Variants in RANBP2 observed in about 807,000 individuals in gnomAD.
RANBP2 encodes RAN binding protein 2.
RANBP2 carries 57 observed loss-of-function variants against 303.6 expected under a neutral mutation model. The observed-to-expected ratio is 0.19, with a 90% CI of 0.15 to 0.23. RANBP2 has a LOEUF of 0.23. Among genes scored for constraint, RANBP2 ranks in the 10% least tolerant of loss-of-function variants. The pLI, the probability that RANBP2 is intolerant of heterozygous loss-of-function variation, is 1.00. For missense variants in RANBP2, 3,138 were observed against 3,780.8 expected, an observed-to-expected ratio of 0.83 and a Z score of 4.46; for synonymous variants, 1,167 against 1,301.5, an observed-to-expected ratio of 0.90 and a Z score of 2.23.
At chr2:109,574,016 T>G in the RANBP2 span, among the ~76,000 whole-genome samples, 2 of 152,236 alleles carry the variant, frequency 1.3e-5, no homozygotes, top group African/African-American at 4.8e-5. Context: ...AGAATACCCA[T>G]GTTCTGGCAT....
At chr2:109,561,301 A>C in the RANBP2 span, among the ~76,000 whole-genome samples, 1 of 152,046 alleles carries the variant, frequency 6.6e-6, no homozygotes, top group African/African-American at 2.4e-5. Context: ...CCACTGCCTC[A>C]AGAAAGTCTT....
chr2:108,796,346 G>T, the RANBP2 span, among the ~76,000 whole-genome samples: 2 of 152,048 alleles, frequency 1.3e-5, no homozygotes, highest in African/African-American at 4.8e-5. Flanking sequence ...GAGCCACCGC[G>T]CCTGGCCAAA....
At chr2:109,533,699 C>T in the RANBP2 span, among the ~76,000 whole-genome samples, 1 of 152,152 alleles carries the variant, frequency 6.6e-6, no homozygotes, top group Non-Finnish European at 1.5e-5. Flanking sequence ...GCACTGTGAA[C>T]CCACTTAACC....
chr2:108,872,222 T>G, the RANBP2 span, among the ~76,000 whole-genome samples: 1 of 152,116 alleles, frequency 6.6e-6, no homozygotes, highest in Non-Finnish European at 1.5e-5. Flanking sequence ...TCTTCTTCCC[T>G]CCTTCTCCTC....
At chr2:109,518,312 C>T in the RANBP2 span, among the ~76,000 whole-genome samples, 1 of 152,210 alleles carries the variant, frequency 6.6e-6, no homozygotes, top group Non-Finnish European at 1.5e-5. Context: ...TAACTGAGCA[C>T]GGTGCTGGGC....
At chr2:109,507,748 GC>G in the RANBP2 span, among the ~76,000 whole-genome samples, 2 of 152,140 alleles carry the variant, frequency 1.3e-5, no homozygotes, top group Non-Finnish European at 2.9e-5. Context: ...ATTTGAACCT[GC>G]CCCAAAAACC....
chr2:109,735,341 T>A, the RANBP2 span, among the ~76,000 whole-genome samples: 1 of 152,252 alleles, frequency 6.6e-6, no homozygotes, highest in Non-Finnish European at 1.5e-5. Context: ...GAGAGAATTT[T>A]ATTTTTTATG....
the RANBP2 span, among the ~76,000 whole-genome samples, chr2:109,229,096 A>C: frequency 6.6e-6 from 1 of 152,176 alleles, no homozygotes; most frequent in Admixed American, 6.5e-5. Context: ...TCAAAGACCA[A>C]ATATCAGAAC....
the RANBP2 span, among the ~76,000 whole-genome samples, chr2:109,077,506 C>G: frequency 2.0e-5 from 3 of 147,296 alleles, no homozygotes; most frequent in East Asian, 5.8e-4. Context: ...AGGAATGAAT[C>G]AATGAAATGA....
At chr2:108,818,830 T>C in the RANBP2 span, among the ~76,000 whole-genome samples, 2 of 152,170 alleles carry the variant, frequency 1.3e-5, no homozygotes, top group African/African-American at 2.4e-5. Context: ...CTTTTTTTTT[T>C]TTGTATATTT....
the RANBP2 span, among the ~76,000 whole-genome samples, chr2:109,238,210 TAATAA>T: frequency 6.6e-6 from 1 of 151,964 alleles, no homozygotes; most frequent in African/African-American, 2.4e-5. Flanking sequence ...TAAAAAAAAA[TAATAA>T]AATAAAATGG....
chr2:109,724,600 C>A, the RANBP2 span, among the ~76,000 whole-genome samples: 1 of 152,160 alleles, frequency 6.6e-6, no homozygotes, highest in African/African-American at 2.4e-5. Flanking sequence ...AAAAGCCAAA[C>A]CCCAAGGGTG....
At chr2:108,849,197 A>G in the RANBP2 span, among the ~76,000 whole-genome samples, 7 of 152,218 alleles carry the variant, frequency 4.6e-5, no homozygotes, top group African/African-American at 7.2e-5. Flanking sequence ...AAAATCTACA[A>G]AAAAGAAAAC....
the RANBP2 span, among the ~76,000 whole-genome samples, chr2:109,362,953 ATATT>A: frequency 3.2e-4 from 48 of 152,118 alleles, 1 homozygote; most frequent in Non-Finnish European, 5.9e-4. Flanking sequence ...TTGTGTGTGT[ATATT>A]TAAAGTAGAT....
At chr2:109,531,757 A>G in the RANBP2 span, among the ~76,000 whole-genome samples, 130,676 of 151,964 alleles carry the variant, frequency 0.86, 56,745 homozygotes, top group East Asian at 0.95. Context: ...AGATAAAGAC[A>G]TCAGTGCATA....
intron 8 of RANBP2, 103 bp downstream of exon 8, chr2:108,746,901 A>G (rs1696561542): frequency 9.4e-6 from 7 of 746,946 alleles, no homozygotes; most frequent in Non-Finnish European, 1.5e-5. Flanking sequence ...TAATTTGTCA[A>G]AATTATTTCT....
the RANBP2 span, among the ~76,000 whole-genome samples, chr2:109,069,751 T>C: frequency 6.6e-6 from 1 of 152,208 alleles, no homozygotes; most frequent in African/African-American, 2.4e-5. Context: ...GGCTCTTTCA[T>C]GGAGTCATTA....
chr2:109,644,053 G>A, the RANBP2 span, among the ~76,000 whole-genome samples: 5 of 151,738 alleles, frequency 3.3e-5, no homozygotes, highest in Admixed American at 2.0e-4. Context: ...CCCAGGAGGC[G>A]GAGGTTTCAG....
chr2:109,084,446 G>C, the RANBP2 span, among the ~76,000 whole-genome samples: 3 of 152,130 alleles, frequency 2.0e-5, no homozygotes, highest in African/African-American at 7.2e-5. Flanking sequence ...AGCACTGGAT[G>C]ATACTGGAGT....
Sources: gnomAD v4.1 joint callset for allele counts (sites outside exome capture counted in the v4.1 genomes callset) on GRCh38, gnomAD v4.1.1 for gene constraint, MANE v1.5 for transcripts, NCBI Gene and HGNC (gene_info 2026-07-23, HGNC 2026-07-21) for gene names.